SERPINE2: variants seen among roughly 807,000 people sequenced by gnomAD.
SERPINE2 encodes serpin family E member 2.
In SERPINE2, 14 loss-of-function variants were observed where a neutral mutation model predicts 36.3. That is an observed-to-expected ratio of 0.39 (90% CI 0.25 to 0.60). The LOEUF is 0.60. Among genes scored for constraint, SERPINE2 ranks in the 20% least tolerant of loss-of-function variants. The pLI, the probability that SERPINE2 is intolerant of heterozygous loss-of-function variation, is 0.57. For missense variants in SERPINE2, 418 were observed against 499.6 expected, an observed-to-expected ratio of 0.84 and a Z score of 1.56; for synonymous variants, 192 against 191.8, an observed-to-expected ratio of 1.00 and a Z score of -0.01.
At chr2:224,016,908 T>C (rs545544749) in intron 1 of SERPINE2, among the ~76,000 whole-genome samples, 1 of 152,286 alleles carries the variant, frequency 6.6e-6, no homozygotes, top group South Asian at 2.1e-4. Flanking sequence ...GTATATAACA[T>C]TGTTGAAATG....
At chr2:224,006,565 T>C (rs1691432313) in intron 1 of SERPINE2, among the ~76,000 whole-genome samples, 1 of 152,142 alleles carries the variant, frequency 6.6e-6, no homozygotes, top group African/African-American at 2.4e-5. Context: ...TTTCCAAGTA[T>C]GTTTTCTTTC....
At chr2:223,985,483 AG>A (rs1465761107) in intron 4 of SERPINE2, among the ~76,000 whole-genome samples, 1 of 152,218 alleles carries the variant, frequency 6.6e-6, no homozygotes, top group African/African-American at 2.4e-5. Context: ...CTCATTGAGC[AG>A]GAATCCCAAC....
At chr2:223,987,047 G>A (rs1325126759) in intron 4 of SERPINE2, among the ~76,000 whole-genome samples, 1 of 152,026 alleles carries the variant, frequency 6.6e-6, no homozygotes. Context: ...ACGAGATCTG[G>A]GGTTATAAGA....
intron 1 of SERPINE2, among the ~76,000 whole-genome samples, chr2:224,012,619 T>C (rs1282225965): frequency 1.3e-5 from 2 of 150,354 alleles, no homozygotes; most frequent in Non-Finnish European, 3.0e-5. Context: ...AAAAAAAAAA[T>C]TATACACAGG....
chr2:223,997,670 A>T (rs1690943919), intron 3 of SERPINE2, among the ~76,000 whole-genome samples: 1 of 152,220 alleles, frequency 6.6e-6, no homozygotes, highest in South Asian at 2.1e-4. Flanking sequence ...ATAACGGACA[A>T]CAGGGTACCT....
intron 1 of SERPINE2, among the ~76,000 whole-genome samples, chr2:224,017,378 A>G (rs1442091347): frequency 1.3e-5 from 2 of 152,204 alleles, no homozygotes; most frequent in Non-Finnish European, 2.9e-5. Context: ...ACCTTAAGAC[A>G]GATCTTTTTA....
chr2:224,001,866 G>A lies in SERPINE2; in HGVS notation c.35C>T (p.Ser12Phe), dbSNP rs1691184805. The part of the protein sequence containing the change: ...NWHLPLFLLA[S>F]VTLPSICSHF... ...GGAGCAGATGGAAGGCAGCGTCACA[G>A]AGGCCAAGAGGAAGAGGGGGAGATG... The change falls in exon 2 of 9, where the codon TCT becomes TTT. Residue 12 changes from serine (S) to phenylalanine (F), a missense_variant. Ser to Phe is a radical substitution (Grantham distance 155). Transcript: ENST00000409304. 2 of 1,613,990 alleles carry A rather than the reference G, an allele frequency of 1.2e-6. No homozygotes were observed. Among genetic ancestry groups the A allele is most frequent in the Non-Finnish European group, 1.7e-6 (2 of 1,179,856 alleles).
At chr2:224,035,676 G>A (rs1278776646) in intron 1 of SERPINE2, among the ~76,000 whole-genome samples, 1 of 152,094 alleles carries the variant, frequency 6.6e-6, no homozygotes, top group Non-Finnish European at 1.5e-5. Flanking sequence ...GCCTCATCCA[G>A]GTCTTCTGGC....
intron 1 of SERPINE2, among the ~76,000 whole-genome samples, chr2:224,038,268 T>C (rs1390328101): frequency 1.3e-5 from 2 of 152,038 alleles, no homozygotes; most frequent in South Asian, 2.1e-4. Context: ...CCCTGCAAAG[T>C]AGCCAAAGCA....
chr2:223,978,909 G>C (rs1409437628), intron 7 of SERPINE2: 1 of 152,128 alleles, frequency 6.6e-6, no homozygotes, highest in Admixed American at 6.5e-5. Context: ...TATTCTAATA[G>C]GACCGTTGCC....
chr2:223,977,963 AAC>A (rs1690074678), intron 7 of SERPINE2: 1 of 222,236 alleles, frequency 4.5e-6, no homozygotes, highest in Non-Finnish European at 9.2e-6. Context: ...TTTGCCACTA[AAC>A]ACATCTAATG....
chr2:223,989,860 G>A (rs1033246604), intron 4 of SERPINE2, among the ~76,000 whole-genome samples: 1 of 152,146 alleles, frequency 6.6e-6, no homozygotes, highest in African/African-American at 2.4e-5. Context: ...ACATCAAATT[G>A]GGCCATTTAA....
At position 223,997,041 on chromosome 2, in the gene SERPINE2, C is replaced by T. The variant is rs116189690; in HGVS notation, c.487+1074G>A. 6.4e-3 allele frequency among the ~76,000 whole-genome samples: 968 copies of T among 152,150 alleles called. 8 individuals are homozygous for T. The highest frequency in any genetic ancestry group is 0.011 in the Non-Finnish European group (735 of 68,000). On this transcript the variant is annotated intron_variant, in intron 3 of 8. Transcript: ENST00000409304. ...GCAGTGAGCTATGATTGCACCACTGCGCTCTAGCCTAAGAGACAGAGTGAG... is the reference window on the plus strand; with the variant it reads ...GCAGTGAGCTATGATTGCACCACTGTGCTCTAGCCTAAGAGACAGAGTGAG...
rs751592497 is a variant in SERPINE2, at chr2:223,977,556, G to A, written c.1144C>T (p.His382Tyr). The A allele has an allele frequency of 1.2e-6, 2 of 1,607,382 alleles. No homozygotes were observed. Among genetic ancestry groups the A allele is most frequent in the African/African-American group, 1.3e-5 (1 of 74,780 alleles). ...VDRPFLFFIR[H>Y]NPTGAVLFMG... ...GAGAGTCACTTACCTGTAGGATTAT[G>A]TCGGATGAAAAACAGAAAAGGTCTG... The change falls in exon 8 of 9, where the codon CAT (histidine) becomes TAT (tyrosine). Residue 382 changes from histidine (H) to tyrosine (Y), a missense_variant. His to Tyr is a moderately conservative substitution (Grantham distance 83). Transcript: ENST00000409304.
chr2:224,019,769 A>ATT (rs1559216905), intron 1 of SERPINE2, among the ~76,000 whole-genome samples: 13 of 8,108 alleles, frequency 1.6e-3, no homozygotes, highest in African/African-American at 2.7e-3. Context: ...TTTTTTTAAA[A>ATT]AAAAAAAAAG....
intron 1 of SERPINE2, among the ~76,000 whole-genome samples, chr2:224,037,019 A>G (rs1692558475): frequency 6.6e-6 from 1 of 152,200 alleles, no homozygotes; most frequent in African/African-American, 2.4e-5. Context: ...TTTTCTTTAT[A>G]ATTCTACCTT....
At chr2:224,026,199 T>C (rs1346389783) in intron 1 of SERPINE2, among the ~76,000 whole-genome samples, 1 of 152,192 alleles carries the variant, frequency 6.6e-6, no homozygotes, top group Admixed American at 6.5e-5. Context: ...GGTCGCCAAA[T>C]CACCAGGTTT....
intron 4 of SERPINE2, among the ~76,000 whole-genome samples, chr2:223,986,590 G>C (rs3795880): frequency 0.25 from 37,836 of 152,012 alleles, 5,085 homozygotes; most frequent in Middle Eastern, 0.31. Context: ...TGAAATATGG[G>C]AAGTGGTTAA....
chr2:223,995,143 C>T (rs1690830246), intron 3 of SERPINE2, among the ~76,000 whole-genome samples: 1 of 152,160 alleles, frequency 6.6e-6, no homozygotes, highest in African/African-American at 2.4e-5. Context: ...GTGGCTGGAA[C>T]ATAGAGTACA....
Sources: gnomAD v4.1 joint callset for allele counts (sites outside exome capture counted in the v4.1 genomes callset) on GRCh38, gnomAD v4.1.1 for gene constraint, MANE v1.5 for transcripts, NCBI Gene and HGNC (gene_info 2026-07-23, HGNC 2026-07-21) for gene names.